The following CDH1 variants were observed in gnomAD, a reference collection of about 807,000 sequenced individuals.
CDH1 encodes cadherin-1.
A neutral mutation model predicts 84.5 loss-of-function variants in CDH1; 35 were observed. The ratio of observed to expected loss-of-function variants is 0.41; its 90% CI spans 0.32 to 0.55. The LOEUF (loss-of-function observed/expected upper bound fraction) is 0.55, where lower values mean the gene tolerates loss of function less well. Ranked by LOEUF, CDH1 falls within the 20% of genes least tolerant of loss-of-function variation. The pLI is 0.19. For synonymous variants in CDH1, 417 were observed against 439.0 expected (o/e 0.95, Z 0.63); for missense variants, 994 against 1,126.6 (o/e 0.88, Z 1.68).
rs1446769308 is a variant in CDH1, at chr16:68,801,737, G to T, written c.231G>T (p.Val77=). 1.2e-6 allele frequency: 2 copies of T among 1,614,154 alleles called. No individual in the cohort carries two copies. The highest frequency in any genetic ancestry group is 2.2e-5 in the East Asian group (1 of 44,880). ...TTTCCCTCGACACCCGATTCAAAGT[G>T]GGCACAGATGGTGTGATTACAGTCA... ...AYFSLDTRFK[V]GTDGVITVKR... is the part of the protein sequence containing the mutation. The change falls in exon 3 of 16, where the codon GTG becomes GTT. Residue 77 remains valine, a synonymous_variant. Coordinates refer to ENST00000261769, the MANE Select transcript of CDH1 (RefSeq NM_004360.5).
chr16:68,745,280 G>A (rs1023734918), intron 2 of CDH1, among the ~76,000 whole-genome samples: 3 of 151,466 alleles, frequency 2.0e-5, no homozygotes, highest in Non-Finnish European at 2.9e-5. Flanking sequence ...CCAGGAGTTT[G>A]AGACCAGCCT....
intron 2 of CDH1, among the ~76,000 whole-genome samples, chr16:68,798,198 A>G (rs1960413255): frequency 6.6e-6 from 1 of 152,230 alleles, no homozygotes; most frequent in African/African-American, 2.4e-5. Context: ...AAAGGTGGGC[A>G]TACTGGGTTA....
At position 68,812,032 on chromosome 16, in the gene CDH1, T is replaced by A. The variant is rs1361878399; in HGVS notation, c.1009-103T>A. On this transcript the variant is annotated intron_variant, in intron 7 of 15. Transcript: ENST00000261769. ...TGCCTAGAAGACAGGCAGGCTGGCA[T>A]GAAGCACATGGTTAAATATTCTGGT... 4.5e-6 allele frequency: 7 copies of A among 1,568,630 alleles called. 1 individual carries two copies. In the South Asian group the frequency reaches 5.6e-5, roughly 13 times the overall value.
At chr16:68,766,446 G>C (rs1430776998) in intron 2 of CDH1, among the ~76,000 whole-genome samples, 2 of 152,026 alleles carry the variant, frequency 1.3e-5, no homozygotes, top group Non-Finnish European at 2.9e-5. Flanking sequence ...ACCAGTAGCA[G>C]GATTTCTTTC....
chr16:68,811,650 T>C lies in CDH1; in HGVS notation c.833-34T>C, dbSNP rs574599168. ...TATTGACCCAGTCCCAAAGTGCAGC[T>C]TGTCTAAACCTTCATCTCCTTGAAC... On this transcript the variant is annotated intron_variant, in intron 6 of 15. Transcript: ENST00000261769. 1.2e-4 allele frequency: 192 copies of C among 1,606,302 alleles called. 1 individual carries two copies. The highest frequency in any genetic ancestry group is 1.2e-3 in the Middle Eastern group (7 of 6,058).
chr16:68,743,361 TTC>T, intron 2 of CDH1, among the ~76,000 whole-genome samples: 2 of 137,846 alleles, frequency 1.5e-5, no homozygotes, highest in Non-Finnish European at 3.1e-5. Context: ...CTTTCTTTCT[TTC>T]TTTTCTTTTC....
At chr16:68,754,361 G>C (rs1238237043) in intron 2 of CDH1, among the ~76,000 whole-genome samples, 1 of 151,978 alleles carries the variant, frequency 6.6e-6, no homozygotes. Flanking sequence ...GCAGTGAGCT[G>C]TGACTGCCTC....
intron 2 of CDH1, among the ~76,000 whole-genome samples, chr16:68,744,632 T>C (rs1218489919): frequency 6.6e-6 from 1 of 152,158 alleles, no homozygotes; most frequent in African/African-American, 2.4e-5. Flanking sequence ...GGGTGGCATC[T>C]TCCCCAAATT....
At chr16:68,791,849 G>A (rs541771061) in intron 2 of CDH1, among the ~76,000 whole-genome samples, 1 of 152,258 alleles carries the variant, frequency 6.6e-6, no homozygotes, top group East Asian at 1.9e-4. Context: ...GTAAGGGCTC[G>A]CTAAAGATTT....
At chr16:68,808,161 G>T (rs1203146653) in intron 3 of CDH1, among the ~76,000 whole-genome samples, 5 of 152,194 alleles carry the variant, frequency 3.3e-5, no homozygotes, top group Non-Finnish European at 7.3e-5. Context: ...TATGCATGAT[G>T]ATTATTTGAG....
intron 6 of CDH1, among the ~76,000 whole-genome samples, chr16:68,810,790 C>T (rs998447116): frequency 4.0e-5 from 6 of 151,662 alleles, no homozygotes; most frequent in Admixed American, 1.3e-4. Flanking sequence ...TGCTTGAACC[C>T]GGGAGGCGGG....
At chr16:68,828,394 T>C (rs1339594664) in intron 14 of CDH1, 90 bp downstream of exon 14, 2 of 1,323,184 alleles carry the variant, frequency 1.5e-6, no homozygotes, top group African/African-American at 2.9e-5. Context: ...GAAACAGCTC[T>C]GAATCACTTT....
intron 6 of CDH1, 30 bp downstream of exon 6, chr16:68,810,371 C>G (rs1567505850): frequency 6.2e-7 from 1 of 1,606,758 alleles, no homozygotes; most frequent in Admixed American, 1.7e-5. Context: ...TCTGAATACT[C>G]AGAAAGACTC....
chr16:68,785,015 A>G (rs892164113), intron 2 of CDH1, among the ~76,000 whole-genome samples: 4 of 151,772 alleles, frequency 2.6e-5, no homozygotes, highest in Non-Finnish European at 4.4e-5. Context: ...GTTCACATGG[A>G]CACCATTGAA....
intron 2 of CDH1, among the ~76,000 whole-genome samples, chr16:68,789,031 A>G (rs1960141702): frequency 6.6e-6 from 1 of 151,672 alleles, no homozygotes; most frequent in African/African-American, 2.4e-5. Flanking sequence ...AATAAAAGAA[A>G]GTTGGACAGG....
intron 2 of CDH1, among the ~76,000 whole-genome samples, chr16:68,760,907 GGCTGAGAGGGGGAT>G (rs1959214951): frequency 6.6e-6 from 1 of 152,164 alleles, no homozygotes; most frequent in Non-Finnish European, 1.5e-5. Flanking sequence ...CTCTGTTGTT[GGCTGAGAGGGGGAT>G]GCCCCAAGCC....
rs182304026 is a variant in CDH1, at chr16:68,818,537, T to C, written c.1566-743T>C. On this transcript the variant is annotated intron_variant, in intron 10 of 15. Coordinates refer to ENST00000261769, the MANE Select transcript of CDH1 (RefSeq NM_004360.5). ...ATTGTTGGTTTTCTTGGTTTTCTTTTTTTTTTTTTTTTTTTAAAGACGGAG... is the reference window on the plus strand; with the variant it reads ...ATTGTTGGTTTTCTTGGTTTTCTTTCTTTTTTTTTTTTTTTAAAGACGGAG... Among the ~76,000 whole-genome samples, 396 of 149,006 alleles carry C rather than the reference T, an allele frequency of 2.7e-3. 11 individuals are homozygous for C. The East Asian group carries it at 0.063, about 24-fold the overall frequency.
At chr16:68,740,260 A>C (rs1344269102) in intron 2 of CDH1, among the ~76,000 whole-genome samples, 1 of 152,142 alleles carries the variant, frequency 6.6e-6, no homozygotes, top group Non-Finnish European at 1.5e-5. Context: ...AATCTTTAGC[A>C]ATCACGCTGT....
At chr16:68,802,773 G>C (rs1960551271) in intron 3 of CDH1, among the ~76,000 whole-genome samples, 1 of 152,092 alleles carries the variant, frequency 6.6e-6, no homozygotes, top group African/African-American at 2.4e-5. Context: ...GCCTGGCCAA[G>C]AGCTGGATTC....
Sources: allele counts gnomAD v4.1 joint callset (sites outside exome capture counted in the v4.1 genomes callset), GRCh38; gene constraint gnomAD v4.1.1; transcripts MANE v1.5; gene names NCBI Gene and HGNC (gene_info 2026-07-23, HGNC 2026-07-21).